The following RYR3 variants were observed in gnomAD, a reference collection of about 807,000 sequenced individuals.
RYR3 encodes the protein brain ryanodine receptor-calcium release channel.
RYR3 carries 207 observed loss-of-function variants against 584.3 expected under a neutral mutation model. The observed-to-expected ratio is 0.35, with a 90% CI of 0.32 to 0.40. The LOEUF (loss-of-function observed/expected upper bound fraction) is 0.40, where lower values mean the gene tolerates loss of function less well. Ranked by LOEUF, RYR3 falls within the 10% of genes least tolerant of loss-of-function variation. The pLI, the probability that RYR3 is intolerant of heterozygous loss-of-function variation, is 1.00. For synonymous variants in RYR3, 2,416 were observed against 2,248.5 expected (o/e 1.07, Z -2.11); for missense variants, 5,616 against 6,089.2 (o/e 0.92, Z 2.59).
At chr15:33,698,032 C>A (rs758045894) in intron 40 of RYR3, 36 bp downstream of exon 40, 3 of 1,457,346 alleles carry the variant, frequency 2.1e-6, no homozygotes, top group Non-Finnish European at 2.9e-6. Flanking sequence ...AGAACTTGTC[C>A]CTTGAGGCAG....
At chr15:33,445,105 A>G (rs764263071) in intron 1 of RYR3, among the ~76,000 whole-genome samples, 2 of 152,220 alleles carry the variant, frequency 1.3e-5, no homozygotes, top group Admixed American at 6.5e-5. Context: ...CAAAGATTCC[A>G]TTCTTGGCCA....
At chr15:33,629,611 G>T (rs1432503063) in intron 21 of RYR3, among the ~76,000 whole-genome samples, 1 of 152,198 alleles carries the variant, frequency 6.6e-6, no homozygotes, top group Non-Finnish European at 1.5e-5. Context: ...GCTGAAGAAT[G>T]TTCCTCTTCA....
At chr15:33,674,912 G>GAAA (rs10580400) in intron 38 of RYR3, among the ~76,000 whole-genome samples, 2 of 137,376 alleles carry the variant, frequency 1.5e-5, no homozygotes, top group Admixed American at 1.5e-4. Context: ...GGTCAGAATG[G>GAAA]AAAAAAAAAA....
At chr15:33,864,783 G>A in intron 103 of RYR3, 1 of 223,960 alleles carries the variant, frequency 4.5e-6, no homozygotes, top group East Asian at 9.9e-5. Context: ...GATTCAGCAT[G>A]CAATAAACGT....
intron 1 of RYR3, among the ~76,000 whole-genome samples, chr15:33,467,179 C>A (rs1319100481): frequency 6.6e-6 from 1 of 152,206 alleles, no homozygotes; most frequent in Non-Finnish European, 1.5e-5. Context: ...TAAAGCAATA[C>A]ATCATTATGG....
intron 31 of RYR3, among the ~76,000 whole-genome samples, chr15:33,651,666 G>T (rs2062477557): frequency 6.6e-6 from 1 of 152,170 alleles, no homozygotes; most frequent in African/African-American, 2.4e-5. Flanking sequence ...AGTGCCAAAT[G>T]TACTATCCCT....
At chr15:33,439,734 C>T (rs778604096) in intron 1 of RYR3, among the ~76,000 whole-genome samples, 9 of 152,012 alleles carry the variant, frequency 5.9e-5, no homozygotes, top group Non-Finnish European at 8.8e-5. Context: ...ATATGGATGC[C>T]ATGGGGTTAT....
At chr15:33,644,673 C>A (rs2062001004) in intron 28 of RYR3, among the ~76,000 whole-genome samples, 154 bp downstream of exon 28, 2 of 152,216 alleles carry the variant, frequency 1.3e-5, no homozygotes, top group South Asian at 4.1e-4. Flanking sequence ...GCTGCAGTTG[C>A]AGGCATCTTA....
intron 1 of RYR3, among the ~76,000 whole-genome samples, chr15:33,351,687 A>C (rs1973282504): frequency 1.3e-5 from 2 of 151,392 alleles, no homozygotes; most frequent in East Asian, 3.9e-4. Flanking sequence ...GATGCAGAAA[A>C]GGCCTTTGAC....
chr15:33,341,760 TC>T (rs1971849098), intron 1 of RYR3, among the ~76,000 whole-genome samples: 1 of 152,068 alleles, frequency 6.6e-6, no homozygotes, highest in Admixed American at 6.6e-5. Flanking sequence ...GAACTTTACT[TC>T]CCTCAAGGTG....
chr15:33,363,248 G>A (rs938390133), intron 1 of RYR3, among the ~76,000 whole-genome samples: 5 of 152,118 alleles, frequency 3.3e-5, no homozygotes, highest in African/African-American at 1.2e-4. Context: ...GGTGTAACCT[G>A]TGCTCCAAAA....
intron 1 of RYR3, among the ~76,000 whole-genome samples, chr15:33,331,184 G>C (rs555714530): frequency 6.6e-6 from 1 of 151,988 alleles, no homozygotes; most frequent in Non-Finnish European, 1.5e-5. Flanking sequence ...CTTTTTTCTC[G>C]ACAAATATAC....
intron 47 of RYR3, among the ~76,000 whole-genome samples, chr15:33,729,515 T>G (rs1269127666): frequency 1.3e-5 from 2 of 152,160 alleles, no homozygotes; most frequent in African/African-American, 4.8e-5. Context: ...CTTCTTAGTT[T>G]CATGTACTGA....
chr15:33,426,276 GA>G (rs1390646101), intron 1 of RYR3, among the ~76,000 whole-genome samples: 2 of 152,152 alleles, frequency 1.3e-5, no homozygotes, highest in Non-Finnish European at 2.9e-5. Flanking sequence ...TTACTGAGTT[GA>G]AAAATGTTAA....
intron 16 of RYR3, among the ~76,000 whole-genome samples, chr15:33,592,589 GA>G (rs34436083): frequency 6.6e-6 from 1 of 152,176 alleles, no homozygotes; most frequent in Non-Finnish European, 1.5e-5. Context: ...TGAAGGGTGG[GA>G]AATAAAGCCT....
At chr15:33,608,050 T>A (rs2059994134) in intron 18 of RYR3, among the ~76,000 whole-genome samples, 1 of 152,224 alleles carries the variant, frequency 6.6e-6, no homozygotes, top group Middle Eastern at 3.2e-3. Flanking sequence ...CCTTGACCAC[T>A]ACGATAAACT....
chr15:33,400,254 G>C (rs984005102), intron 1 of RYR3, among the ~76,000 whole-genome samples: 1 of 152,096 alleles, frequency 6.6e-6, no homozygotes, highest in African/African-American at 2.4e-5. Flanking sequence ...TTATACTACC[G>C]TTTTGGCATA....
Position 33,750,231 on chromosome 15 carries a change from G to A in RYR3, c.8344G>A (p.Glu2782Lys). 1 of 1,610,184 alleles carries A rather than the reference G, an allele frequency of 6.2e-7. No homozygotes were observed. The highest frequency in any genetic ancestry group is 8.5e-7 in the Non-Finnish European group (1 of 1,178,266). ...TGCCAAGGAAAAGTTCAAGGACCGG[G>A]AGAAGGCACAGGACCTGTTTAAGTT... ...LTAKEKFKDREKAQDLFKFLQ... is the reference protein window; with the variant it reads ...LTAKEKFKDRKKAQDLFKFLQ... The change falls in exon 57 of 104, where the codon GAG becomes AAG. Residue 2782 changes from glutamate to lysine, a missense_variant. Physicochemically the swap from Glu to Lys is moderately conservative, Grantham distance 56. Around this residue, in one of 9 missense-constraint regions of RYR3, gnomAD observed 1,280 missense variants for 1,426.2 expected, o/e 0.90. Transcript: ENST00000634891.
intron 6 of RYR3, 23 bp from the exon 7 acceptor site, chr15:33,540,768 T>C: frequency 6.8e-7 from 1 of 1,478,144 alleles, no homozygotes; most frequent in Non-Finnish European, 9.5e-7. Context: ...TTAAAAGATG[T>C]CTCATTTCTG....
Sources: allele counts gnomAD v4.1 joint callset (sites outside exome capture counted in the v4.1 genomes callset), GRCh38; gene constraint gnomAD v4.1.1; regional missense constraint gnomAD v4.1.1; transcripts MANE v1.5; gene names NCBI Gene and HGNC (gene_info 2026-07-23, HGNC 2026-07-21).